DDX46: variants seen among roughly 807,000 people sequenced by gnomAD.
DDX46 encodes the protein probable ATP-dependent RNA helicase DDX46.
In DDX46, 30 loss-of-function variants were observed where a neutral mutation model predicts 134.9. The ratio of observed to expected loss-of-function variants is 0.22; its 90% confidence interval spans 0.17 to 0.30. The LOEUF is 0.30. Ranked by LOEUF, DDX46 falls within the 10% of genes least tolerant of loss-of-function variation. The pLI is 1.00. For missense variants in DDX46, 622 were observed against 1,248.7 expected, an observed-to-expected ratio of 0.50 and a Z score of 7.56; for synonymous variants, 415 against 404.1, an observed-to-expected ratio of 1.03 and a Z score of -0.32.
intron 19 of DDX46, 150 bp from the exon 20 acceptor site, chr5:134,817,346 C>A: frequency 1.4e-6 from 1 of 697,906 alleles, no homozygotes; most frequent in Non-Finnish European, 2.3e-6. Context: ...ATTGCTAAAT[C>A]ACACATATCA....
At chr5:134,823,910 C>A (rs1270915557) in intron 21 of DDX46, among the ~76,000 whole-genome samples, 1 of 152,142 alleles carries the variant, frequency 6.6e-6, no homozygotes, top group Non-Finnish European at 1.5e-5. Flanking sequence ...ACATGGGTAT[C>A]ATTTAAGCAA....
At chr5:134,780,873 A>C (rs1039895193) in intron 6 of DDX46, 19 of 210,348 alleles carry the variant, frequency 9.0e-5, no homozygotes, top group Non-Finnish European at 1.6e-4. Context: ...ACTAAAAAAC[A>C]AAAAAAATTA....
intron 21 of DDX46, 95 bp from the exon 22 acceptor site, chr5:134,826,852 G>C (rs983434044): frequency 2.4e-6 from 3 of 1,237,368 alleles, no homozygotes; most frequent in Non-Finnish European, 3.3e-6. Context: ...GTTTCTGAAA[G>C]TCACCTACAG....
In DDX46 at chr5:134,807,863, T is replaced by G. The variant is rs750075870; in HGVS notation, c.2070T>G (p.Leu690=). 1 of 1,614,068 alleles carries G rather than the reference T, an allele frequency of 6.2e-7. No individual in the cohort carries two copies. The highest frequency in any genetic ancestry group is 8.5e-7 in the Non-Finnish European group (1 of 1,180,034). Residue 690 remains leucine (L), a synonymous_variant, in exon 16 of 23, where the codon CTT becomes CTG. Transcript: ENST00000452510. The stretch of plus-strand genomic sequence containing the variant: ...GTCTAGATGTGAAACATCTGATTCT[T>G]GTAGTAAATTATAGCTGCCCCAACC... ...ARGLDVKHLI[L]VVNYSCPNHY... is the part of the protein sequence containing the mutation.
chr5:134,794,357 G>C (rs900436283), intron 13 of DDX46, among the ~76,000 whole-genome samples: 1 of 152,314 alleles, frequency 6.6e-6, no homozygotes, highest in East Asian at 1.9e-4. Context: ...CAAACCTTCT[G>C]TAGGCTCCAG....
At chr5:134,772,596 G>A (rs913019089) in intron 4 of DDX46, among the ~76,000 whole-genome samples, 2 of 152,130 alleles carry the variant, frequency 1.3e-5, no homozygotes, top group Non-Finnish European at 2.9e-5. Flanking sequence ...CAGGAATTTG[G>A]GAGTTCAAGC....
chr5:134,819,134 CT>C, intron 21 of DDX46, 130 bp downstream of exon 21: 1 of 984,348 alleles, frequency 1.0e-6, no homozygotes, highest in Non-Finnish European at 1.4e-6. Context: ...AAAACAAAAT[CT>C]TATGACATTT....
Position 134,758,861 on chromosome 5 carries a change from G to C in DDX46, c.-78G>C. The C allele has an allele frequency of 6.2e-7, 1 of 1,609,890 alleles. No homozygotes were observed. The highest frequency in any genetic ancestry group is 8.5e-7 in the Non-Finnish European group (1 of 1,176,668). ...AGCGCTGGTCTTTGCCGGGCGTTGA[G>C]GGCAGCTCAGCCTCCTTGTTTGTCC... On this transcript the variant is annotated 5_prime_UTR_variant, in exon 1 of 23. Transcript: ENST00000452510.
At chr5:134,827,714 CAAT>C in intron 22 of DDX46, among the ~76,000 whole-genome samples, 1 of 149,496 alleles carries the variant, frequency 6.7e-6, no homozygotes, top group East Asian at 1.9e-4. Flanking sequence ...TTGCATGTAG[CAAT>C]AATTCATTTT....
At chr5:134,821,864 C>A (rs1482876871) in intron 21 of DDX46, among the ~76,000 whole-genome samples, 1 of 150,182 alleles carries the variant, frequency 6.7e-6, no homozygotes, top group African/African-American at 2.4e-5. Flanking sequence ...CTACTTCTTT[C>A]TTTTGCTATA....
rs1466042910 is a variant in DDX46, at chr5:134,805,966, T to C, written c.1955-1782T>C. Reference sequence around the variant, plus strand: ...AGGCCTGGTGGCTCATGCCTGTAATTTCAGCACTTTGGGAGGTGGGCGGAT... The same window carrying C: ...AGGCCTGGTGGCTCATGCCTGTAATCTCAGCACTTTGGGAGGTGGGCGGAT... On this transcript the variant is annotated intron_variant, in intron 15 of 22. Transcript: ENST00000452510. Among the ~76,000 whole-genome samples the C allele has an allele frequency of 2.6e-5, 4 of 152,092 alleles. No individual in the cohort carries two copies. In the East Asian group the frequency reaches 5.8e-4, roughly 22 times the overall value.
At chr5:134,772,103 T>C (rs1753791364) in intron 4 of DDX46, among the ~76,000 whole-genome samples, 3 of 152,040 alleles carry the variant, frequency 2.0e-5, no homozygotes, top group African/African-American at 7.2e-5. Flanking sequence ...TGATGGCGCA[T>C]GCCTGTAATC....
At position 134,773,583 on chromosome 5, in the gene DDX46, T is replaced by C. The variant is rs572501426; in HGVS notation, c.448-113T>C. On this transcript the variant is annotated intron_variant, in intron 4 of 22. Coordinates refer to ENST00000452510, the MANE Select transcript of DDX46 (RefSeq NM_001300860.2). ...GAGGGGTTTGTATATATGCCTTTTTTCCCCTTCTTTATACTTTGAAGAACT... is the reference window on the plus strand; with the variant it reads ...GAGGGGTTTGTATATATGCCTTTTTCCCCCTTCTTTATACTTTGAAGAACT... The C allele has an allele frequency of 1.8e-4, 229 of 1,251,602 alleles. 1 individual carries two copies. Among genetic ancestry groups the C allele is most frequent in the Middle Eastern group, 1.0e-3 (5 of 4,850 alleles). 77.5% of individuals were successfully genotyped at this position (1,251,602 alleles called of 1,614,324 possible).
chr5:134,808,079 GT>G, intron 16 of DDX46, 138 bp downstream of exon 16: 1 of 809,968 alleles, frequency 1.2e-6, no homozygotes. Context: ...AGTGGTTGAT[GT>G]TAATAATTTA....
Position 134,782,104 on chromosome 5 carries a change from C to T in DDX46, c.1045+18C>T, listed in dbSNP as rs1754172487. 2 of 1,576,136 alleles carry T rather than the reference C, an allele frequency of 1.3e-6. No individual in the cohort carries two copies. Among genetic ancestry groups the T allele is most frequent in the South Asian group, 1.2e-5 (1 of 85,228 alleles). On this transcript the variant is annotated intron_variant, in intron 8 of 22. Transcript: ENST00000452510. The stretch of plus-strand genomic sequence containing the variant: ...TCAAGAAGGTAAAATTCCATTTTTT[C>T]ATTTACTGGTTATAAGGGAACAGAA...
intron 18 of DDX46, among the ~76,000 whole-genome samples, chr5:134,813,525 G>A (rs1398558966): frequency 6.6e-6 from 1 of 152,248 alleles, no homozygotes; most frequent in African/African-American, 2.4e-5. Context: ...TTTCCCCACA[G>A]TGAGTGATCA....
Position 134,816,614 on chromosome 5 carries a change from A to G in DDX46, c.2613+8A>G, listed in dbSNP as rs533051878. ...GGCATCGAGTCTCAGGTATTAAGTA[A>G]TTTGTTCCAAGTCTCAGTCAATACT... On this transcript the variant is annotated splice_region_variant and intron_variant, in intron 19 of 22. Transcript: ENST00000452510. 2 of 1,610,058 alleles carry G rather than the reference A, an allele frequency of 1.2e-6. No individual in the cohort carries two copies. The highest frequency in any genetic ancestry group is 4.5e-5 in the East Asian group (2 of 44,818).
At position 134,758,896 on chromosome 5, in the gene DDX46, G is replaced by A. The variant is rs1262659034; in HGVS notation, c.-43G>A. The A allele has an allele frequency of 6.2e-7, 1 of 1,613,656 alleles. No individual in the cohort carries two copies. Among genetic ancestry groups the A allele is most frequent in the African/African-American group, 1.3e-5 (1 of 74,932 alleles). On this transcript the variant is annotated 5_prime_UTR_variant, in exon 1 of 23. It adds an upstream start codon to the 5' untranslated region. Transcript: ENST00000452510. ...GCCTCCTTGTTTGTCCGGTTCGCCT[G>A]TGCGTGGTACTCAAGGGCACCAGTA...
intron 9 of DDX46, among the ~76,000 whole-genome samples, chr5:134,783,358 G>A (rs56349192): frequency 6.7e-6 from 1 of 149,508 alleles, no homozygotes; most frequent in Non-Finnish European, 1.5e-5. Context: ...GGCTCAAGCA[G>A]TTCTCCTGCC....
Sources: allele counts gnomAD v4.1 joint callset (sites outside exome capture counted in the v4.1 genomes callset), GRCh38; gene constraint gnomAD v4.1.1; transcripts MANE v1.5; gene names NCBI Gene and HGNC (gene_info 2026-07-23, HGNC 2026-07-21).